Variants in ZC3H8 observed in about 807,000 individuals in gnomAD.
ZC3H8 encodes zinc finger CCCH domain-containing protein 8.
A neutral mutation model predicts 42.5 loss-of-function variants in ZC3H8; 27 were observed. The observed-to-expected ratio is 0.64, with a 90% confidence interval of 0.47 to 0.88. The LOEUF (loss-of-function observed/expected upper bound fraction) is 0.88, where lower values mean the gene tolerates loss of function less well. ZC3H8 is among the 40% of genes least tolerant of loss of function. The pLI is 0.00. For synonymous variants in ZC3H8, 101 were observed against 110.1 expected (o/e 0.92, Z 0.52); for missense variants, 277 against 336.1 (o/e 0.82, Z 1.37).
At chr2:112,245,182 TAGA>T (rs1685712604) in intron 2 of ZC3H8, among the ~76,000 whole-genome samples, 1 of 152,244 alleles carries the variant, frequency 6.6e-6, no homozygotes, top group South Asian at 2.1e-4. Flanking sequence ...TTGGTCTGGA[TAGA>T]AGATCAAACC....
Position 112,231,956 on chromosome 2 carries a change from A to C in ZC3H8, c.734-9T>G. 1 of 1,431,122 alleles carries C rather than the reference A, an allele frequency of 7.0e-7. No homozygotes were observed. The highest frequency in any genetic ancestry group is 9.7e-7 in the Non-Finnish European group (1 of 1,034,782). 88.7% of individuals were successfully genotyped at this position (1,431,122 alleles called of 1,614,324 possible). A position where few individuals can be genotyped will look rare whatever the true frequency, so the allele number is the denominator to read the frequency against. ...CTTACAAGGATATTCATGTAACCCA[A>C]GTGTTAAGGAAGAGAACAATTTTAA... is the stretch of plus-strand genomic sequence containing the variant. On this transcript the variant is annotated splice_polypyrimidine_tract_variant and intron_variant, in intron 6 of 8. Coordinates refer to ENST00000409573, the MANE Select transcript of ZC3H8 (RefSeq NM_032494.3).
intron 6 of ZC3H8, 93 bp downstream of exon 6, chr2:112,233,167 A>G: frequency 2.8e-6 from 2 of 720,122 alleles, no homozygotes; most frequent in Non-Finnish European, 4.4e-6. Flanking sequence ...TCATTTTGGT[A>G]TACCTAAAAC....
At chr2:112,240,952 A>AGTGTGTGTGTGTGTGTGTGT (rs67273091) in intron 2 of ZC3H8, among the ~76,000 whole-genome samples, 1 of 142,604 alleles carries the variant, frequency 7.0e-6, no homozygotes, top group Non-Finnish European at 1.5e-5. Context: ...TACAGGTAAC[A>AGTGTGTGTGTGTGTGTGTGT]GTGTGTGTGT....
intron 8 of ZC3H8, among the ~76,000 whole-genome samples, chr2:112,217,638 A>C (rs965902885): frequency 1.3e-5 from 2 of 152,194 alleles, no homozygotes; most frequent in African/African-American, 4.8e-5. Flanking sequence ...AAAAAGTTAC[A>C]TTCTTTAATA....
At chr2:112,231,027 T>C (rs1685062888) in intron 7 of ZC3H8, 77 bp from the exon 8 acceptor site, 1 of 904,638 alleles carries the variant, frequency 1.1e-6, no homozygotes, top group Non-Finnish European at 1.5e-6. Context: ...ATTCATAACT[T>C]TCAAATGATT....
chr2:112,236,597 T>C lies in ZC3H8; in HGVS notation c.469A>G (p.Asn157Asp). The C allele has an allele frequency of 6.2e-7, 1 of 1,614,000 alleles. No individual in the cohort carries two copies. The highest frequency in any genetic ancestry group is 8.5e-7 in the Non-Finnish European group (1 of 1,179,886). ...GAGCCGCTGTTCCTCAGCAAAGCAT[T>C]TGATCCTTTGTTTCCAGGGCCAGGC... The part of the protein sequence containing the change: ...KWPGPGNKGS[N>D]ALLRNSGSQE... Residue 157 changes from asparagine to aspartate, a missense_variant, in exon 4 of 9, where the codon AAT becomes GAT. Coordinates refer to ENST00000409573, the MANE Select transcript of ZC3H8 (RefSeq NM_032494.3).
At chr2:112,243,094 A>AATG (rs1685639655) in intron 2 of ZC3H8, among the ~76,000 whole-genome samples, 6 of 152,334 alleles carry the variant, frequency 3.9e-5, no homozygotes, top group African/African-American at 1.4e-4. Flanking sequence ...CTTGGCTTTT[A>AATG]ATGAGTTCAC....
Sources: allele counts gnomAD v4.1 joint callset (sites outside exome capture counted in the v4.1 genomes callset), GRCh38; gene constraint gnomAD v4.1.1; transcripts MANE v1.5; gene names NCBI Gene and HGNC (gene_info 2026-07-23, HGNC 2026-07-21).